Variants in HNRNPM observed in about 807,000 individuals in gnomAD.
HNRNPM encodes CEA receptor.
In HNRNPM, 11 loss-of-function variants were observed where a neutral mutation model predicts 73.1. That is an observed-to-expected ratio of 0.15 (90% CI 0.09 to 0.25). The LOEUF (loss-of-function observed/expected upper bound fraction) is 0.25. Ranked by LOEUF, HNRNPM falls within the 10% of genes least tolerant of loss-of-function variation. The pLI is 1.00. For synonymous variants in HNRNPM, 407 were observed against 355.2 expected (o/e 1.15, Z -1.64); for missense variants, 789 against 1,067.9 (o/e 0.74, Z 3.64).
intron 7 of HNRNPM, 100 bp downstream of exon 7, chr19:8,466,488 G>GT (rs1396195425): frequency 6.2e-6 from 7 of 1,136,256 alleles, no homozygotes; most frequent in Non-Finnish European, 9.2e-6. Context: ...GTGTATTCAT[G>GT]TTTTTTATGT....
intron 5 of HNRNPM, among the ~76,000 whole-genome samples, chr19:8,464,592 A>G (rs1228505352): frequency 6.6e-6 from 1 of 152,214 alleles, no homozygotes; most frequent in Non-Finnish European, 1.5e-5. Context: ...AGATCGCGCC[A>G]TTGAACTCCA....
Position 8,455,463 on chromosome 19 carries a change from G to A in HNRNPM, c.172G>A (p.Gly58Ser), listed in dbSNP as rs1968940903. 1.9e-6 allele frequency: 3 copies of A among 1,613,860 alleles called. No individual in the cohort carries two copies. Among genetic ancestry groups the A allele is most frequent in the Admixed American group, 1.7e-5 (1 of 59,992 alleles). Reference protein sequence around the residue: ...KRKEKNIKRGGNRFEPYANPT... With the variant: ...KRKEKNIKRGSNRFEPYANPT... ...GAAGGAGAAAAACATAAAAAGAGGA[G>A]GCAATCGCTTTGAGCCATATGCCAA... The change falls in exon 2 of 16, where the codon GGC (glycine) becomes AGC (serine). Residue 58 changes from glycine to serine, a missense_variant. By Grantham distance (56) the Gly-to-Ser change is moderately conservative. Coordinates refer to ENST00000325495, the MANE Select transcript of HNRNPM (RefSeq NM_005968.5).
intron 1 of HNRNPM, 58 bp downstream of exon 1, chr19:8,445,169 G>A (rs1277034424): frequency 6.1e-6 from 8 of 1,317,874 alleles, no homozygotes; most frequent in Non-Finnish European, 7.8e-6. Context: ...GCCGACGCGG[G>A]CGGCGGCTCC....
intron 12 of HNRNPM, among the ~76,000 whole-genome samples, chr19:8,479,797 C>CA (rs1384831026): frequency 4.3e-5 from 5 of 115,590 alleles, no homozygotes; most frequent in South Asian, 2.8e-4. Flanking sequence ...TTTTTTGCGA[C>CA]AGAGTCTCGC....
intron 2 of HNRNPM, 97 bp downstream of exon 2, chr19:8,455,671 G>T: frequency 1.1e-6 from 1 of 902,506 alleles, no homozygotes; most frequent in East Asian, 2.5e-5. Context: ...AAGCGGCTCT[G>T]GGTAGAGCAT....
chr19:8,462,328 G>A lies in HNRNPM; in HGVS notation c.284-201G>A, dbSNP rs1969460257. On this transcript the variant is annotated intron_variant, in intron 2 of 15. Coordinates refer to ENST00000325495, the MANE Select transcript of HNRNPM (RefSeq NM_005968.5). The surrounding 1 kb of genome is among the most constrained non-coding windows in gnomAD (Gnocchi z 4.5). ...TGTTTGTGGTGGGAGGAAAATCAAG[G>A]ACATATTGTTAACGTGTTTTCACCT... is the stretch of plus-strand genomic sequence containing the variant. 1.8e-6 allele frequency: 1 copy of A among 543,208 alleles called. No individual in the cohort carries two copies. Among genetic ancestry groups the A allele is most frequent in the Admixed American group, 3.1e-5 (1 of 31,956 alleles). 33.6% of individuals were successfully genotyped at this position (543,208 alleles called of 1,614,324 possible).
chr19:8,487,133 G>GA (rs1568307201), intron 15 of HNRNPM, 58 bp downstream of exon 15: 1 of 1,452,396 alleles, frequency 6.9e-7, no homozygotes, highest in East Asian at 2.3e-5. Flanking sequence ...TGACGCAGCC[G>GA]AGTCAGCAGC....
chr19:8,450,736 T>A (rs1473085168), intron 1 of HNRNPM, among the ~76,000 whole-genome samples: 2 of 105,164 alleles, frequency 1.9e-5, no homozygotes, highest in African/African-American at 2.8e-5. Context: ...TATTTTTTTT[T>A]TTTTTGAGAT....
At chr19:8,487,279 C>G in intron 15 of HNRNPM, 1 of 605,196 alleles carries the variant, frequency 1.7e-6, no homozygotes, top group South Asian at 1.9e-5. Context: ...TCATTTCATC[C>G]TTACTTCCTT....
At chr19:8,449,142 G>A (rs1471382051) in intron 1 of HNRNPM, among the ~76,000 whole-genome samples, 4 of 152,350 alleles carry the variant, frequency 2.6e-5, no homozygotes, top group African/African-American at 4.8e-5. Flanking sequence ...TTGGAGACAC[G>A]TCAGATTGTG....
intron 9 of HNRNPM, among the ~76,000 whole-genome samples, chr19:8,470,608 G>A (rs563133465): frequency 1.7e-4 from 26 of 152,282 alleles, no homozygotes; most frequent in African/African-American, 6.0e-4. Flanking sequence ...GATTTCAGGC[G>A]TGAGCCACTG....
intron 9 of HNRNPM, 56 bp from the exon 10 acceptor site, chr19:8,471,270 A>G: frequency 1.8e-6 from 2 of 1,094,582 alleles, no homozygotes; most frequent in East Asian, 2.6e-5. Context: ...TTTTCCTTTG[A>G]GGGTCAAGGT....
intron 10 of HNRNPM, among the ~76,000 whole-genome samples, chr19:8,472,371 G>T (rs979335185): frequency 6.6e-6 from 1 of 152,008 alleles, no homozygotes; most frequent in Non-Finnish European, 1.5e-5. Flanking sequence ...TCCCACCATT[G>T]TCAGTGTTGC....
chr19:8,463,817 G>A (rs1969555791), intron 5 of HNRNPM, 131 bp downstream of exon 5: 7 of 651,644 alleles, frequency 1.1e-5, no homozygotes, highest in Non-Finnish European at 1.6e-5. Context: ...TTCTAATGAA[G>A]AGTGTCGGTC....
chr19:8,458,318 C>T (rs756081464), intron 2 of HNRNPM, among the ~76,000 whole-genome samples: 1 of 152,230 alleles, frequency 6.6e-6, no homozygotes, highest in Non-Finnish European at 1.5e-5. Flanking sequence ...TAACAGGCCA[C>T]AGCTCCCCAG....
chr19:8,457,601 G>A (rs1053693578), intron 2 of HNRNPM, among the ~76,000 whole-genome samples: 1 of 152,142 alleles, frequency 6.6e-6, no homozygotes, highest in Non-Finnish European at 1.5e-5. Context: ...ATAGGATTGT[G>A]GGTAAAGTGA....
At chr19:8,459,114 A>T (rs978111815) in intron 2 of HNRNPM, among the ~76,000 whole-genome samples, 1 of 152,120 alleles carries the variant, frequency 6.6e-6, no homozygotes, top group East Asian at 1.9e-4. Flanking sequence ...TTAGTAAGAG[A>T]TGGGCTTTCA....
intron 10 of HNRNPM, 85 bp from the exon 11 acceptor site, chr19:8,473,579 C>A (rs1357179739): frequency 1.2e-6 from 1 of 804,642 alleles, no homozygotes; most frequent in Non-Finnish European, 2.1e-6. Flanking sequence ...AGTTCTTTTG[C>A]TGGTTTGGAA....
In HNRNPM at chr19:8,488,883, A is replaced by T. The variant is rs535431890; in HGVS notation, c.*29A>T. The T allele has an allele frequency of 6.4e-7, 1 of 1,566,210 alleles. No individual in the cohort carries two copies. The highest frequency in any genetic ancestry group is 2.3e-5 in the East Asian group (1 of 44,214). Reference sequence around the variant, plus strand: ...GTTGCCTTTTTTAAACATCGATACGAGACCTCTGAATTTGTATTTTTTCTT... The same window carrying T: ...GTTGCCTTTTTTAAACATCGATACGTGACCTCTGAATTTGTATTTTTTCTT... On this transcript the variant is annotated 3_prime_UTR_variant, in exon 16 of 16. Transcript: ENST00000325495.
Sources: gnomAD v4.1 joint callset for allele counts (sites outside exome capture counted in the v4.1 genomes callset) on GRCh38, gnomAD v4.1.1 for gene constraint, Gnocchi (gnomAD v3.1) non-coding constraint, MANE v1.5 for transcripts, NCBI Gene and HGNC (gene_info 2026-07-23, HGNC 2026-07-21) for gene names.